SIPA1L3: variants seen among roughly 807,000 people sequenced by gnomAD.
SIPA1L3 encodes signal-induced proliferation-associated 1-like protein 3.
Under a neutral mutation model 150.1 loss-of-function variants are expected in SIPA1L3, and 59 were observed. The observed-to-expected ratio is 0.39, with a 90% CI of 0.32 to 0.49. SIPA1L3 has a LOEUF of 0.49. Ranked by LOEUF, SIPA1L3 falls within the 20% of genes least tolerant of loss-of-function variation. The pLI, the probability that SIPA1L3 is intolerant of heterozygous loss-of-function variation, is 0.86. For missense variants in SIPA1L3, 2,211 were observed against 2,489.5 expected, an observed-to-expected ratio of 0.89 and a Z score of 2.38; for synonymous variants, 1,070 against 1,077.6, an observed-to-expected ratio of 0.99 and a Z score of 0.14.
chr19:38,200,862 A>C (rs1014697816), intron 19 of SIPA1L3: 3 of 151,924 alleles, frequency 2.0e-5, no homozygotes, highest in Non-Finnish European at 2.9e-5. Flanking sequence ...GGGAGGCGGA[A>C]GTTGCAGTGA....
chr19:38,190,454 G>A (rs1277307544), intron 16 of SIPA1L3, among the ~76,000 whole-genome samples: 1 of 152,136 alleles, frequency 6.6e-6, no homozygotes, highest in Non-Finnish European at 1.5e-5. Context: ...CCCTAGACCT[G>A]GAATTCCAAT....
At chr19:37,959,249 A>G (rs1356699335) in intron 1 of SIPA1L3, among the ~76,000 whole-genome samples, 2 of 152,260 alleles carry the variant, frequency 1.3e-5, no homozygotes, top group African/African-American at 4.8e-5. Flanking sequence ...CGTTATTCGT[A>G]ACCCCAGAAG....
intron 13 of SIPA1L3, among the ~76,000 whole-genome samples, chr19:38,154,194 C>G (rs998784650): frequency 6.6e-6 from 1 of 152,180 alleles, no homozygotes; most frequent in Non-Finnish European, 1.5e-5. Flanking sequence ...ACATTTGTGA[C>G]AGCCAGCCAG....
intron 1 of SIPA1L3, among the ~76,000 whole-genome samples, chr19:38,016,562 G>A (rs564361515): frequency 1.1e-4 from 16 of 152,008 alleles, no homozygotes; most frequent in African/African-American, 2.2e-4. Context: ...GCACGGTCTC[G>A]GTGCACTGCA....
intron 15 of SIPA1L3, among the ~76,000 whole-genome samples, chr19:38,169,187 G>A (rs1246259020): frequency 1.3e-5 from 2 of 152,064 alleles, no homozygotes; most frequent in Admixed American, 6.6e-5. Flanking sequence ...CCAGGAGTTC[G>A]AGACCAGCCT....
intron 1 of SIPA1L3, among the ~76,000 whole-genome samples, chr19:37,925,590 C>CTTTTTTTTT (rs761234489): frequency 9.0e-6 from 1 of 110,790 alleles, no homozygotes; most frequent in East Asian, 2.2e-4. Context: ...TGATTTATTA[C>CTTTTTTTTT]TTTTTTTTTT....
chr19:38,147,747 G>T (rs773109940), intron 12 of SIPA1L3, among the ~76,000 whole-genome samples: 3 of 152,052 alleles, frequency 2.0e-5, no homozygotes, highest in Non-Finnish European at 4.4e-5. Context: ...TGATCTATAC[G>T]TATGATCTCA....
intron 16 of SIPA1L3, among the ~76,000 whole-genome samples, chr19:38,191,759 C>T (rs991127032): frequency 3.9e-5 from 6 of 151,944 alleles, no homozygotes; most frequent in South Asian, 4.2e-4. Context: ...TCCAGTGAGC[C>T]GATATCACAC....
chr19:37,987,068 C>T (rs900283776), intron 1 of SIPA1L3, among the ~76,000 whole-genome samples: 2 of 152,144 alleles, frequency 1.3e-5, no homozygotes, highest in African/African-American at 4.8e-5. Context: ...GCTGGGATTA[C>T]AGACTTGTGC....
intron 8 of SIPA1L3, among the ~76,000 whole-genome samples, chr19:38,115,561 C>T (rs1381135792): frequency 2.6e-5 from 4 of 152,160 alleles, no homozygotes; most frequent in Admixed American, 2.6e-4. Context: ...CCCCGTGTGG[C>T]CTTGCCCCTG....
chr19:38,054,838 C>T (rs759623125), intron 2 of SIPA1L3, among the ~76,000 whole-genome samples: 1 of 152,292 alleles, frequency 6.6e-6, no homozygotes, highest in Admixed American at 6.5e-5. Flanking sequence ...GGCCTGTGGT[C>T]GCTGCTCAGG....
At position 38,000,064 on chromosome 19, in the gene SIPA1L3, T is replaced by C. The variant is rs575148338; in HGVS notation, c.-378-29025T>C. 1.8e-4 allele frequency among the ~76,000 whole-genome samples: 27 copies of C among 152,356 alleles called. No individual in the cohort carries two copies. In the South Asian group the frequency reaches 3.5e-3, roughly 20 times the overall value. ...AGGATTTAAGGATTAAATTAGATAC[T>C]GTTTTTTAAGTGTTTGAAACTGCCT... On this transcript the variant is annotated intron_variant, in intron 1 of 21. Transcript: ENST00000222345.
At chr19:37,988,663 G>A (rs1045294995) in intron 1 of SIPA1L3, among the ~76,000 whole-genome samples, 6 of 152,122 alleles carry the variant, frequency 3.9e-5, no homozygotes, top group African/African-American at 1.2e-4. Flanking sequence ...GCGACAGAGC[G>A]GGACTCCATC....
chr19:38,097,959 T>C (rs556676437), intron 4 of SIPA1L3, among the ~76,000 whole-genome samples: 188 of 152,334 alleles, frequency 1.2e-3, no homozygotes, highest in African/African-American at 4.4e-3. Flanking sequence ...TGGGTTGGAA[T>C]CTTGGTTGCC....
At chr19:38,186,022 C>G (rs113556184) in intron 16 of SIPA1L3, 12 of 152,534 alleles carry the variant, frequency 7.9e-5, no homozygotes, top group African/African-American at 2.7e-4. Flanking sequence ...GCACAGCGAC[C>G]GCCACTCCCT....
chr19:38,130,382 A>T, intron 9 of SIPA1L3, 116 bp from the exon 10 acceptor site: 1 of 1,043,404 alleles, frequency 9.6e-7, no homozygotes, highest in Non-Finnish European at 1.4e-6. Context: ...CCGGGAAGGT[A>T]TTAATAGATG....
At chr19:38,028,378 T>C (rs1240045996) in intron 1 of SIPA1L3, among the ~76,000 whole-genome samples, 1 of 152,076 alleles carries the variant, frequency 6.6e-6, no homozygotes, top group East Asian at 1.9e-4. Context: ...GCTCCTGAGA[T>C]GCTCCACATC....
intron 1 of SIPA1L3, among the ~76,000 whole-genome samples, chr19:37,943,922 ATCT>A: frequency 6.6e-6 from 1 of 152,184 alleles, no homozygotes; most frequent in South Asian, 2.1e-4. Context: ...TTTTTAAAAA[ATCT>A]TTACTGCTTT....
intron 4 of SIPA1L3, among the ~76,000 whole-genome samples, chr19:38,091,063 T>C (rs902039240): frequency 1.2e-4 from 18 of 152,292 alleles, no homozygotes; most frequent in African/African-American, 4.1e-4. Flanking sequence ...GGGCAACTGC[T>C]GGGTGGTGAA....
Sources: gnomAD v4.1 joint callset for allele counts (sites outside exome capture counted in the v4.1 genomes callset) on GRCh38, gnomAD v4.1.1 for gene constraint, MANE v1.5 for transcripts, NCBI Gene and HGNC (gene_info 2026-07-23, HGNC 2026-07-21) for gene names.